ATAD2B: variants seen among roughly 807,000 people sequenced by gnomAD.
The protein encoded by ATAD2B is ATPase family AAA domain containing 2B.
ATAD2B carries 40 observed loss-of-function variants against 167.6 expected under a neutral mutation model. The observed-to-expected ratio is 0.24, with a 90% CI of 0.19 to 0.31. The LOEUF is 0.31. Among genes scored for constraint, ATAD2B ranks in the 10% least tolerant of loss-of-function variants. The pLI is 1.00. For missense variants in ATAD2B, 1,242 were observed against 1,757.2 expected, an observed-to-expected ratio of 0.71 and a Z score of 5.24; for synonymous variants, 579 against 596.5, an observed-to-expected ratio of 0.97 and a Z score of 0.43.
rs761072471 is a variant in ATAD2B at position 23,823,453 on chromosome 2, T to C, written c.1936A>G (p.Ile646Val). 6 of 1,613,974 alleles carry C rather than the reference T, an allele frequency of 3.7e-6. 1 individual carries two copies. The highest frequency in any genetic ancestry group is 2.2e-5 in the South Asian group (2 of 91,078). ...TAAAAATCTTGGGCACTAAGCACTATTGAGGAAACATCCAGCTGCAGTTTA... is the reference window on the plus strand; with the variant it reads ...TAAAAATCTTGGGCACTAAGCACTACTGAGGAAACATCCAGCTGCAGTTTA... ...SHKLQLDVSSIVLSAQDFYHA... is the reference protein window; with the variant it reads ...SHKLQLDVSSVVLSAQDFYHA... The change falls in exon 16 of 28, where the codon ATA becomes GTA. Residue 646 changes from isoleucine to valine, a missense_variant. This residue lies in a region of ATAD2B where 151 missense variants were observed against 284.1 expected (regional missense o/e 0.53). Coordinates refer to ENST00000238789, the MANE Select transcript of ATAD2B (RefSeq NM_017552.4).
At chr2:23,819,334 T>C (rs1687080087) in intron 17 of ATAD2B, among the ~76,000 whole-genome samples, 1 of 151,956 alleles carries the variant, frequency 6.6e-6, no homozygotes, top group South Asian at 2.1e-4. Flanking sequence ...CTACTAAAAA[T>C]GCAAAAATTA....
At chr2:23,686,588 A>G in the ATAD2B span, among the ~76,000 whole-genome samples, 2 of 152,018 alleles carry the variant, frequency 1.3e-5, no homozygotes, top group Admixed American at 6.5e-5. Flanking sequence ...TGTCACGGGC[A>G]TCAGAGGTCA....
intron 17 of ATAD2B, among the ~76,000 whole-genome samples, chr2:23,814,916 C>T (rs1402926813): frequency 1.3e-5 from 2 of 151,828 alleles, no homozygotes; most frequent in African/African-American, 2.4e-5. Context: ...ATTAGCCAGG[C>T]GTGGTGGCAG....
chr2:23,926,513 C>G (rs564148498), intron 1 of ATAD2B, 42 bp downstream of exon 1: 11 of 1,528,388 alleles, frequency 7.2e-6, no homozygotes, highest in African/African-American at 4.2e-5. Context: ...GCAGCAGGGC[C>G]GGCACTTCCG....
At chr2:23,728,553 T>G in the ATAD2B span, among the ~76,000 whole-genome samples, 1 of 152,054 alleles carries the variant, frequency 6.6e-6, no homozygotes, top group South Asian at 2.1e-4. Context: ...CTAACTAAAT[T>G]TTGTTTCAAA....
intron 14 of ATAD2B, among the ~76,000 whole-genome samples, chr2:23,833,221 T>C (rs1689348542): frequency 6.6e-6 from 1 of 152,222 alleles, no homozygotes. Flanking sequence ...CAACTAGGTA[T>C]GTAAACCAGG....
chr2:23,804,688 A>C (rs79559590), intron 18 of ATAD2B, among the ~76,000 whole-genome samples: 10 of 151,664 alleles, frequency 6.6e-5, no homozygotes, highest in East Asian at 1.9e-4. Context: ...AAAAAAAAAA[A>C]CCCTATAACA....
In ATAD2B at chr2:23,869,706, A is replaced by G. The variant is rs1220872311; in HGVS notation, c.1033T>C (p.Phe345Leu). The G allele has an allele frequency of 3.8e-6, 6 of 1,568,742 alleles. No homozygotes were observed. The Admixed American group carries it at 7.6e-5, about 20-fold the overall frequency. The change falls in exon 9 of 28, where the codon TTT becomes CTT. Residue 345 changes from phenylalanine (F) to leucine (L), a missense_variant. Around this residue, in one of 9 missense-constraint regions of ATAD2B, gnomAD observed 127 missense variants for 146.3 expected, o/e 0.87. Coordinates refer to ENST00000238789, the MANE Select transcript of ATAD2B (RefSeq NM_017552.4). ...SDTTSSDEER[F>L]ERRKSKSMAR... The stretch of plus-strand genomic sequence containing the variant: ...ATGCTCTTTGATTTCCTTCTTTCAA[A>G]GCGTTCCTCATCAGAAGAAGTTGTG...
At chr2:23,868,076 G>A in intron 9 of ATAD2B, 130 bp from the exon 10 acceptor site, 2 of 636,088 alleles carry the variant, frequency 3.1e-6, no homozygotes, top group South Asian at 2.2e-5. Context: ...TAATATCAAA[G>A]GATTTCATAC....
At chr2:23,740,806 T>A in the ATAD2B span, among the ~76,000 whole-genome samples, 2 of 152,144 alleles carry the variant, frequency 1.3e-5, no homozygotes, top group Non-Finnish European at 2.9e-5. Flanking sequence ...GAAAACCCCA[T>A]CGTCTCAGCC....
At chr2:23,845,161 C>T (rs536554113) in intron 13 of ATAD2B, among the ~76,000 whole-genome samples, 128 of 152,188 alleles carry the variant, frequency 8.4e-4, no homozygotes, top group Non-Finnish European at 1.2e-3. Flanking sequence ...AGGCTAAGTT[C>T]TCAAAAAGTT....
At chr2:23,702,197 T>TA in the ATAD2B span, among the ~76,000 whole-genome samples, 1 of 152,134 alleles carries the variant, frequency 6.6e-6, no homozygotes, top group Non-Finnish European at 1.5e-5. Context: ...ATGATGGGGT[T>TA]ATGTCCTGAT....
chr2:23,826,732 T>C (rs746744454), intron 15 of ATAD2B, among the ~76,000 whole-genome samples: 3 of 152,160 alleles, frequency 2.0e-5, no homozygotes, highest in Non-Finnish European at 2.9e-5. Flanking sequence ...TCATTGAAAA[T>C]GGAATAGAAA....
intron 12 of ATAD2B, among the ~76,000 whole-genome samples, chr2:23,860,571 ACT>A (rs1289111624): frequency 6.6e-6 from 1 of 152,130 alleles, no homozygotes. Context: ...ATTAAAGGAA[ACT>A]CTCAGTTCAC....
chr2:23,731,500 C>T, the ATAD2B span, among the ~76,000 whole-genome samples: 1 of 152,132 alleles, frequency 6.6e-6, no homozygotes, highest in African/African-American at 2.4e-5. Context: ...ATGAAGCAGT[C>T]TTGGAAAAAC....
chr2:23,901,780 C>T (rs567252687), intron 1 of ATAD2B, among the ~76,000 whole-genome samples: 6 of 152,068 alleles, frequency 3.9e-5, no homozygotes, highest in Admixed American at 1.3e-4. Flanking sequence ...AAGTATGTAA[C>T]ATTTCACAAA....
the ATAD2B span, chr2:23,695,552 C>A: frequency 3.8e-6 from 4 of 1,065,728 alleles, no homozygotes; most frequent in Non-Finnish European, 5.4e-6. The surrounding 1 kb of genome is among the most constrained non-coding windows in gnomAD (Gnocchi z 7.6). Context: ...CAGCCCCACA[C>A]CATTTCTTTC....
At chr2:23,694,397 C>T in the ATAD2B span, among the ~76,000 whole-genome samples, 1 of 152,184 alleles carries the variant, frequency 6.6e-6, no homozygotes, top group Non-Finnish European at 1.5e-5. Flanking sequence ...AGGATTACTG[C>T]AGCACCTCCT....
chr2:23,812,734 G>C (rs188279077), intron 17 of ATAD2B, among the ~76,000 whole-genome samples: 1 of 151,564 alleles, frequency 6.6e-6, no homozygotes, highest in Admixed American at 6.6e-5. Flanking sequence ...GTGGTGGCAC[G>C]TGCCTGTAGT....
Sources: gnomAD v4.1 joint callset for allele counts (sites outside exome capture counted in the v4.1 genomes callset) on GRCh38, gnomAD v4.1.1 for gene constraint, gnomAD v4.1.1 regional missense constraint, Gnocchi (gnomAD v3.1) non-coding constraint, MANE v1.5 for transcripts, NCBI Gene and HGNC (gene_info 2026-07-23, HGNC 2026-07-21) for gene names.